Variants in HMGB1 observed in about 807,000 individuals in gnomAD.
HMGB1 encodes the protein high mobility group protein B1.
For synonymous variants in HMGB1, 81 were observed against 84.0 expected, an observed-to-expected ratio of 0.96 and a Z score of 0.19; for missense variants, 79 against 253.5, an observed-to-expected ratio of 0.31 and a Z score of 4.67.
At chr13:30,529,028 CAAAAAAAAAAAA>C (rs59654057) in intron 1 of HMGB1, among the ~76,000 whole-genome samples, 8 of 53,516 alleles carry the variant, frequency 1.5e-4, no homozygotes, top group Admixed American at 2.6e-4. Context: ...GACTGCGTCT[CAAAAAAAAAAAA>C]AAAAAAAAAA....
At chr13:30,576,381 G>C (rs1870657240) in intron 1 of HMGB1, among the ~76,000 whole-genome samples, 1 of 151,918 alleles carries the variant, frequency 6.6e-6, no homozygotes, top group African/African-American at 2.4e-5. Context: ...TGGTCCTACT[G>C]GGCAATAAAA....
At chr13:30,600,496 T>C (rs1001510743) in intron 1 of HMGB1, among the ~76,000 whole-genome samples, 1 of 152,170 alleles carries the variant, frequency 6.6e-6, no homozygotes, top group Non-Finnish European at 1.5e-5. Context: ...CATTTTTGAG[T>C]ACCTGCTAGG....
intron 1 of HMGB1, among the ~76,000 whole-genome samples, chr13:30,557,355 G>T (rs148326152): frequency 1.7e-3 from 265 of 152,182 alleles, no homozygotes; most frequent in African/African-American, 6.3e-3. Context: ...CCTCCTCAAC[G>T]CGAGTTCCAG....
intron 1 of HMGB1, among the ~76,000 whole-genome samples, chr13:30,523,838 T>G (rs1888294352): frequency 6.6e-6 from 1 of 151,498 alleles, no homozygotes; most frequent in South Asian, 2.1e-4. Context: ...TCTCCCAGAC[T>G]CAAGCAATCT....
At chr13:30,585,838 A>AG (rs1343110067) in intron 1 of HMGB1, among the ~76,000 whole-genome samples, 3 of 152,168 alleles carry the variant, frequency 2.0e-5, no homozygotes, top group African/African-American at 7.2e-5. Context: ...TCCCAGACTA[A>AG]GGGGAAAAAA....
intron 3 of HMGB1, 106 bp downstream of exon 3, chr13:30,463,101 C>CT (rs1200846139): frequency 8.8e-7 from 1 of 1,139,992 alleles, no homozygotes; most frequent in Non-Finnish European, 1.3e-6. Flanking sequence ...AGCTAAGAAA[C>CT]TTTGATTGTA....
At chr13:30,558,587 A>G (rs546608717) in intron 1 of HMGB1, among the ~76,000 whole-genome samples, 1 of 152,234 alleles carries the variant, frequency 6.6e-6, no homozygotes, top group Non-Finnish European at 1.5e-5. Context: ...GGCTTTTAGC[A>G]ATAATCCTAG....
chr13:30,610,352 A>C (rs1593345469), intron 1 of HMGB1, among the ~76,000 whole-genome samples: 1 of 152,206 alleles, frequency 6.6e-6, no homozygotes, highest in African/African-American at 2.4e-5. Context: ...ACAACTCTAG[A>C]AGAGAGTGCT....
chr13:30,534,664 C>T (rs115019800), intron 1 of HMGB1, among the ~76,000 whole-genome samples: 2,245 of 149,686 alleles, frequency 0.015, 66 homozygotes, highest in African/African-American at 0.053. Flanking sequence ...TTGCAACCTC[C>T]GCCTCCAGGT....
chr13:30,594,317 C>T (rs1871507469), intron 1 of HMGB1, among the ~76,000 whole-genome samples: 1 of 152,126 alleles, frequency 6.6e-6, no homozygotes, highest in East Asian at 1.9e-4. Flanking sequence ...GTTCCTGTTG[C>T]CACAACAGTG....
chr13:30,520,345 C>T (rs532404940), intron 1 of HMGB1, among the ~76,000 whole-genome samples: 4 of 150,604 alleles, frequency 2.7e-5, no homozygotes, highest in East Asian at 2.0e-4. Context: ...ATAGGCTGGG[C>T]GCAGTGGCTC....
intron 1 of HMGB1, among the ~76,000 whole-genome samples, chr13:30,582,149 T>A (rs1323474436): frequency 1.3e-5 from 2 of 152,168 alleles, no homozygotes; most frequent in Non-Finnish European, 2.9e-5. Context: ...TGTTTCCGTG[T>A]GCCAGGAGCT....
chr13:30,533,474 C>T (rs901980042), intron 1 of HMGB1, among the ~76,000 whole-genome samples: 4 of 152,182 alleles, frequency 2.6e-5, no homozygotes, highest in East Asian at 3.8e-4. Flanking sequence ...AAGTGATTCT[C>T]CTGCCTTAGC....
At chr13:30,585,751 T>C (rs1871118020) in intron 1 of HMGB1, among the ~76,000 whole-genome samples, 1 of 152,164 alleles carries the variant, frequency 6.6e-6, no homozygotes, top group Non-Finnish European at 1.5e-5. Flanking sequence ...AAAGCTCTGA[T>C]ATCTGCAGGT....
Position 30,459,866 on chromosome 13 carries a change from T to C in HMGB1, c.*1491A>G, listed in dbSNP as rs971880635. On this transcript the variant is annotated 3_prime_UTR_variant, in exon 5 of 5. Coordinates refer to ENST00000341423, the MANE Select transcript of HMGB1 (RefSeq NM_002128.7). Reference sequence around the variant, plus strand: ...TAACTAGTATTTAAAACCTCTGCAATTATTAGTTTATTAGTATCATCCAGG... The same window carrying C: ...TAACTAGTATTTAAAACCTCTGCAACTATTAGTTTATTAGTATCATCCAGG... 3.3e-5 allele frequency: 5 copies of C among 152,620 alleles called. No homozygotes were observed. The highest frequency in any genetic ancestry group is 7.4e-5 in the Non-Finnish European group (5 of 68,008). The allele number at this position is 152,620 out of a possible 1,614,324, so 9.5% of individuals were successfully genotyped here.
intron 1 of HMGB1, among the ~76,000 whole-genome samples, chr13:30,537,772 T>G (rs1206306565): frequency 6.7e-6 from 1 of 149,738 alleles, no homozygotes; most frequent in Non-Finnish European, 1.5e-5. Context: ...GATAGGGCTG[T>G]CATAAATGTT....
chr13:30,550,377 G>A (rs1445300507), intron 1 of HMGB1, among the ~76,000 whole-genome samples: 2 of 152,202 alleles, frequency 1.3e-5, no homozygotes, highest in South Asian at 2.1e-4. Context: ...AGCAGACAAC[G>A]AGAAGCTATT....
At chr13:30,598,932 A>G (rs939374756) in intron 1 of HMGB1, among the ~76,000 whole-genome samples, 5 of 151,890 alleles carry the variant, frequency 3.3e-5, no homozygotes, top group African/African-American at 4.8e-5. Flanking sequence ...ATATGCATAT[A>G]TATGTGTATA....
At chr13:30,498,874 C>G (rs1459627623) in intron 1 of HMGB1, among the ~76,000 whole-genome samples, 1 of 151,446 alleles carries the variant, frequency 6.6e-6, no homozygotes, top group Non-Finnish European at 1.5e-5. Flanking sequence ...TCTTGAACTT[C>G]TGACCTCAAG....
Sources: allele counts gnomAD v4.1 joint callset (sites outside exome capture counted in the v4.1 genomes callset), GRCh38; gene constraint gnomAD v4.1.1; transcripts MANE v1.5; gene names NCBI Gene and HGNC (gene_info 2026-07-23, HGNC 2026-07-21).